LGR4: variants seen among roughly 807,000 people sequenced by gnomAD.
LGR4 encodes leucine-rich repeat-containing G protein-coupled receptor 4.
A neutral mutation model predicts 84.8 loss-of-function variants in LGR4; 44 were observed. That is an observed-to-expected ratio of 0.52 (90% CI 0.41 to 0.67). The LOEUF (loss-of-function observed/expected upper bound fraction) is 0.67. LGR4 is among the 30% of genes least tolerant of loss of function. The pLI, the probability that LGR4 is intolerant of heterozygous loss-of-function variation, is 0.00. For missense variants in LGR4, 1,032 were observed against 1,131.4 expected, an observed-to-expected ratio of 0.91 and a Z score of 1.26; for synonymous variants, 429 against 434.3, an observed-to-expected ratio of 0.99 and a Z score of 0.15.
chr11:27,448,242 T>A (rs1404877815), intron 1 of LGR4, among the ~76,000 whole-genome samples: 1 of 152,146 alleles, frequency 6.6e-6, no homozygotes, highest in Non-Finnish European at 1.5e-5. Context: ...GTTAGAATCA[T>A]GTTTAAATTA....
chr11:27,403,665 C>A (rs1863547068), intron 2 of LGR4, among the ~76,000 whole-genome samples: 1 of 152,100 alleles, frequency 6.6e-6, no homozygotes, highest in Admixed American at 6.6e-5. Flanking sequence ...TACATATACT[C>A]AGAGAAAAGT....
At position 27,472,584 on chromosome 11, in the gene LGR4, C is replaced by T. The variant is rs1864902582; in HGVS notation, c.-282G>A. 1 of 376,384 alleles carries T rather than the reference C, an allele frequency of 2.7e-6. No individual in the cohort carries two copies. The highest frequency in any genetic ancestry group is 4.7e-6 in the Non-Finnish European group (1 of 211,426). 23.3% of individuals were successfully genotyped at this position (376,384 alleles called of 1,614,324 possible). A position where few individuals can be genotyped will look rare whatever the true frequency, so the allele number is the denominator to read the frequency against. Reference sequence around the variant, plus strand: ...GCCGGCCCGGCGCAGCGGCGGGGGCCGCGCTCTGCCATCGCACCGGTCTCC... The same window carrying T: ...GCCGGCCCGGCGCAGCGGCGGGGGCTGCGCTCTGCCATCGCACCGGTCTCC... On this transcript the variant is annotated 5_prime_UTR_variant, in exon 1 of 18. Coordinates refer to ENST00000379214, the MANE Select transcript of LGR4 (RefSeq NM_018490.5).
intron 2 of LGR4, among the ~76,000 whole-genome samples, chr11:27,403,822 T>G (rs1863549887): frequency 6.6e-6 from 1 of 152,208 alleles, no homozygotes; most frequent in African/African-American, 2.4e-5. Context: ...CAGTTTATAT[T>G]AAGCATTTTT....
intron 1 of LGR4, among the ~76,000 whole-genome samples, chr11:27,426,979 G>A (rs1198805773): frequency 1.3e-5 from 2 of 152,166 alleles, no homozygotes; most frequent in Non-Finnish European, 2.9e-5. Flanking sequence ...GTCCCTCCCT[G>A]TAGCTAAAGT....
At chr11:27,371,510 GT>G in intron 17 of LGR4, 104 bp downstream of exon 17, 1 of 783,548 alleles carries the variant, frequency 1.3e-6, no homozygotes, top group Admixed American at 2.3e-5. Context: ...GGATCCTCTA[GT>G]ACCATCCCTA....
At position 27,426,613 on chromosome 11, in the gene LGR4, T is replaced by G. The variant is rs76676727; in HGVS notation, c.186-13753A>C. Among the ~76,000 whole-genome samples, 4 of 152,308 alleles carry G rather than the reference T, an allele frequency of 2.6e-5. No individual in the cohort carries two copies. In the East Asian group the frequency reaches 5.8e-4, roughly 22 times the overall value. ...TAAACGGAGATAACAATTCTGACTT[T>G]AGAACACTGCTATAAAGATTAGATG... On this transcript the variant is annotated intron_variant, in intron 1 of 17. Coordinates refer to ENST00000379214, the MANE Select transcript of LGR4 (RefSeq NM_018490.5).
chr11:27,413,895 T>G (rs758491860), intron 1 of LGR4, among the ~76,000 whole-genome samples: 2 of 152,156 alleles, frequency 1.3e-5, no homozygotes, highest in Non-Finnish European at 2.9e-5. Flanking sequence ...TTCAGTATCA[T>G]GCTAGGTACG....
intron 17 of LGR4, among the ~76,000 whole-genome samples, chr11:27,369,969 A>G (rs1282581654): frequency 6.6e-6 from 1 of 152,234 alleles, no homozygotes; most frequent in African/African-American, 2.4e-5. Context: ...AATCCTACAT[A>G]ATACAAACTA....
intron 1 of LGR4, among the ~76,000 whole-genome samples, chr11:27,430,462 T>C (rs1398232980): frequency 1.3e-5 from 2 of 152,216 alleles, no homozygotes; most frequent in African/African-American, 2.4e-5. Context: ...AATAACTTGA[T>C]AATGACTATT....
chr11:27,453,214 G>A (rs1389927512), intron 1 of LGR4, among the ~76,000 whole-genome samples: 8 of 152,020 alleles, frequency 5.3e-5, no homozygotes, highest in Non-Finnish European at 7.4e-5. Context: ...GATTACAGGC[G>A]CCTGCCACCA....
In LGR4 at chr11:27,372,334, A is replaced by G. The variant is rs1862900200; in HGVS notation, c.1444T>C (p.Leu482=). The G allele has an allele frequency of 1.2e-6, 2 of 1,613,798 alleles. No homozygotes were observed. Among genetic ancestry groups the G allele is most frequent in the South Asian group, 2.2e-5 (2 of 91,080 alleles). ...TGGAGGCTGTTATCTTCTGTGTTTA[A>G]ATTTGCATAAGAGTCACAACCCCAA... ...AFWGCDSYAN[L]NTEDNSLQDH... is the part of the protein sequence containing the mutation. Residue 482 remains leucine, a synonymous_variant, in exon 16 of 18, where the codon TTA becomes CTA. Coordinates refer to ENST00000379214, the MANE Select transcript of LGR4 (RefSeq NM_018490.5).
intron 1 of LGR4, among the ~76,000 whole-genome samples, chr11:27,433,668 A>T (rs1216450161): frequency 1.3e-5 from 2 of 152,202 alleles, no homozygotes; most frequent in Non-Finnish European, 2.9e-5. Context: ...AACTAAACAG[A>T]AAGGCAAAAC....
chr11:27,374,098 C>T (rs758947281), intron 13 of LGR4, 52 bp from the exon 14 acceptor site: 2 of 1,148,662 alleles, frequency 1.7e-6, no homozygotes, highest in Non-Finnish European at 2.6e-6. Flanking sequence ...CTCAGAATGC[C>T]ACTTACTTAG....
chr11:27,451,479 G>A lies in LGR4; in HGVS notation c.185+20639C>T, dbSNP rs564062499. Among the ~76,000 whole-genome samples the A allele has an allele frequency of 7.2e-5, 11 of 152,344 alleles. 1 individual carries two copies. The highest frequency in any genetic ancestry group is 4.6e-4 in the Admixed American group (7 of 15,308). On this transcript the variant is annotated intron_variant, in intron 1 of 17. Coordinates refer to ENST00000379214, the MANE Select transcript of LGR4 (RefSeq NM_018490.5). ...TGGAAGGAAATTTCTCACTAGGCCA[G>A]AAAGGAATAATTAAGTCTTTGCATG...
Position 27,394,508 on chromosome 11 carries a change from T to C in LGR4, c.258-1990A>G, listed in dbSNP as rs977847378. On this transcript the variant is annotated intron_variant, in intron 2 of 17. Coordinates refer to ENST00000379214, the MANE Select transcript of LGR4 (RefSeq NM_018490.5). Reference sequence around the variant, plus strand: ...ATCTCTGCCTCCTGGATTCAAGCAATTCTCCTACCTCAGCCTCCAGAGTAG... The same window carrying C: ...ATCTCTGCCTCCTGGATTCAAGCAACTCTCCTACCTCAGCCTCCAGAGTAG... Among the ~76,000 whole-genome samples the C allele has an allele frequency of 2.0e-5, 3 of 152,158 alleles. No individual in the cohort carries two copies. The East Asian group carries it at 5.8e-4, about 29-fold the overall frequency.
intron 1 of LGR4, among the ~76,000 whole-genome samples, chr11:27,454,419 T>G (rs1280828687): frequency 1.3e-5 from 2 of 152,212 alleles, no homozygotes; most frequent in African/African-American, 4.8e-5. Flanking sequence ...GACAATTCCA[T>G]GAACCATTAT....
intron 2 of LGR4, among the ~76,000 whole-genome samples, chr11:27,399,321 C>T (rs190769488): frequency 6.6e-6 from 1 of 152,100 alleles, no homozygotes; most frequent in Admixed American, 6.5e-5. Context: ...CATTCTATTC[C>T]CTCAAATGGA....
intron 14 of LGR4, 65 bp downstream of exon 14, chr11:27,373,910 A>G: frequency 8.4e-7 from 1 of 1,184,928 alleles, no homozygotes; most frequent in Non-Finnish European, 1.3e-6. Flanking sequence ...CGACAATGTT[A>G]AAACAGATGT....
intron 1 of LGR4, among the ~76,000 whole-genome samples, chr11:27,433,725 C>T (rs1025314215): frequency 2.0e-5 from 3 of 152,148 alleles, no homozygotes; most frequent in Admixed American, 6.5e-5. Flanking sequence ...CTAAGGAGCC[C>T]GTTATTTGCT....
Sources: allele counts gnomAD v4.1 joint callset (sites outside exome capture counted in the v4.1 genomes callset), GRCh38; gene constraint gnomAD v4.1.1; transcripts MANE v1.5; gene names NCBI Gene and HGNC (gene_info 2026-07-23, HGNC 2026-07-21).